The following CD58 variants were observed in gnomAD, a reference collection of about 807,000 sequenced individuals.
CD58 encodes CD58 molecule, also known as lymphocyte function-associated antigen 3.
CD58 carries 14 observed loss-of-function variants against 27.6 expected under a neutral mutation model. That is an observed-to-expected ratio of 0.51 (90% confidence interval 0.34 to 0.79). CD58 has a LOEUF of 0.79. CD58 is among the 30% of genes least tolerant of loss of function. The pLI is 0.02. For missense variants in CD58, 268 were observed against 301.7 expected, an observed-to-expected ratio of 0.89 and a Z score of 0.83; for synonymous variants, 117 against 103.8, an observed-to-expected ratio of 1.13 and a Z score of -0.77.
chr1:116,548,763 T>C (rs898215185), intron 1 of CD58, among the ~76,000 whole-genome samples: 5 of 152,208 alleles, frequency 3.3e-5, no homozygotes, highest in Admixed American at 1.3e-4. Context: ...ACTCTAAAAA[T>C]TATTTAGTCA....
chr1:116,548,288 C>T (rs1243339750), intron 1 of CD58, among the ~76,000 whole-genome samples: 5 of 152,172 alleles, frequency 3.3e-5, no homozygotes, highest in African/African-American at 1.2e-4. Context: ...TATTGCTGTA[C>T]AGAAGCTTTT....
rs1217997929 is a variant in CD58, at chr1:116,531,786, C to T, written c.628+4179G>A. ...TGTTTCATAACTTTAATAGAATATT[C>T]TAACTATTATGTACAAATTGAAAAC... On this transcript the variant is annotated intron_variant, in intron 3 of 5. Coordinates refer to ENST00000369489, the MANE Select transcript of CD58 (RefSeq NM_001779.3). The surrounding 1 kb of genome is among the most constrained non-coding windows in gnomAD (Gnocchi z 4.5). Among the ~76,000 whole-genome samples, 1 of 152,076 alleles carries T rather than the reference C, an allele frequency of 6.6e-6. No homozygotes were observed. Among genetic ancestry groups the T allele is most frequent in the Non-Finnish European group, 1.5e-5 (1 of 68,018 alleles).
chr1:116,552,220 A>G lies in CD58; in HGVS notation c.71-7616T>C, dbSNP rs114860884. 2.1e-3 allele frequency among the ~76,000 whole-genome samples: 325 copies of G among 152,340 alleles called. 3 individuals carry two copies. The highest frequency in any genetic ancestry group is 7.3e-3 in the African/African-American group (305 of 41,576). On this transcript the variant is annotated intron_variant, in intron 1 of 5. Coordinates refer to ENST00000369489, the MANE Select transcript of CD58 (RefSeq NM_001779.3). This position sits in a 1 kb window ranked among gnomAD's most constrained non-coding sequence, Gnocchi z 4.5. ...GGTGACAAGGGAGGCCAGGAGAAGG[A>G]GAAAGATGGGGAGAACAGCCAGTCA...
At chr1:116,562,505 G>A (rs895229749) in intron 1 of CD58, among the ~76,000 whole-genome samples, 1 of 151,998 alleles carries the variant, frequency 6.6e-6, no homozygotes, top group Non-Finnish European at 1.5e-5. Flanking sequence ...TGTAGAGATG[G>A]GGTGTATTAG....
At position 116,521,924 on chromosome 1, in the gene CD58, T is replaced by C. The variant is rs1410014187; in HGVS notation, c.688A>G (p.Ile230Val). 4 of 1,559,904 alleles carry C rather than the reference T, an allele frequency of 2.6e-6. No homozygotes were observed. Among genetic ancestry groups the C allele is most frequent in the Non-Finnish European group, 1.8e-6 (2 of 1,133,170 alleles). ...TACATACCATTCATATACAGCACAATACATGTTGTAATTACTGCTAATGGT... is the reference window on the plus strand; with the variant it reads ...TACATACCATTCATATACAGCACAACACATGTTGTAATTACTGCTAATGGT... The part of the protein sequence containing the change: ...PIPLAVITTC[I>V]VLYMNGILKC... The change falls in exon 4 of 6, where the codon ATT becomes GTT. Residue 230 changes from isoleucine (I) to valine (V), a missense_variant. By Grantham distance (29) the Ile-to-Val change is conservative. Transcript: ENST00000369489. The surrounding 1 kb of genome is among the most constrained non-coding windows in gnomAD (Gnocchi z 5.6).
At chr1:116,518,414 G>A (rs1178642186) in intron 5 of CD58, among the ~76,000 whole-genome samples, 1 of 151,970 alleles carries the variant, frequency 6.6e-6, no homozygotes. Flanking sequence ...TTTGCCAGCA[G>A]AGTGATCTTA....
At position 116,521,727 on chromosome 1, in the gene CD58, A is replaced by G; in HGVS notation, c.706+179T>C. 3.7e-6 allele frequency: 2 copies of G among 540,534 alleles called. No individual in the cohort carries two copies. The highest frequency in any genetic ancestry group is 6.8e-6 in the Non-Finnish European group (2 of 292,344). 33.5% of individuals were successfully genotyped at this position (540,534 alleles called of 1,614,324 possible). ...TAAGGATTCATTCTACCTTGAGATA[A>G]TGTGGATCTTTGGAGGAACCTAGCA... On this transcript the variant is annotated intron_variant, in intron 4 of 5. Transcript: ENST00000369489. This position sits in a 1 kb window ranked among gnomAD's most constrained non-coding sequence, Gnocchi z 5.6.
Position 116,546,513 on chromosome 1 carries a change from A to T in CD58, c.71-1909T>A, listed in dbSNP as rs1658176793. Among the ~76,000 whole-genome samples, 1 of 152,224 alleles carries T rather than the reference A, an allele frequency of 6.6e-6. No homozygotes were observed. The highest frequency in any genetic ancestry group is 6.5e-5 in the Admixed American group (1 of 15,288). ...GGCACAAGAAAAAGTACAGAATTCA[A>T]GGGGTGAGAGTCTACCACACACAAT... On this transcript the variant is annotated intron_variant, in intron 1 of 5. Transcript: ENST00000369489. The surrounding 1 kb of genome is among the most constrained non-coding windows in gnomAD (Gnocchi z 4.1).
In CD58 at chr1:116,570,628, G is replaced by T. The variant is rs1348309984; in HGVS notation, c.70+275C>A. 1.3e-5 allele frequency among the ~76,000 whole-genome samples: 2 copies of T among 152,208 alleles called. No individual in the cohort carries two copies. Among genetic ancestry groups the T allele is most frequent in the African/African-American group, 2.4e-5 (1 of 41,466 alleles). On this transcript the variant is annotated intron_variant, in intron 1 of 5. Transcript: ENST00000369489. The surrounding 1 kb of genome is among the most constrained non-coding windows in gnomAD (Gnocchi z 6.4). ...TGGAGCTCGGGAGGGGGCCGGCGGG[G>T]GGGCGCAGGCCCCGCAGGAGAGGCT...
At chr1:116,558,166 A>G (rs1224087463) in intron 1 of CD58, among the ~76,000 whole-genome samples, 6 of 151,824 alleles carry the variant, frequency 4.0e-5, no homozygotes, top group Non-Finnish European at 7.4e-5. Context: ...AAAAAAAAAA[A>G]AAAGAAAGAA....
chr1:116,558,461 G>A (rs149894366), intron 1 of CD58, among the ~76,000 whole-genome samples: 124 of 151,614 alleles, frequency 8.2e-4, no homozygotes, highest in African/African-American at 2.7e-3. Context: ...TGGCAATCTG[G>A]GAAGCAACAT....
chr1:116,549,686 G>T (rs1658323678), intron 1 of CD58, among the ~76,000 whole-genome samples: 1 of 152,036 alleles, frequency 6.6e-6, no homozygotes, highest in Non-Finnish European at 1.5e-5. Context: ...TCTTATCTGG[G>T]TGCCTTACCC....
chr1:116,533,285 CT>C, intron 3 of CD58: 6 of 1,354,226 alleles, frequency 4.4e-6, no homozygotes, highest in Non-Finnish European at 6.3e-6. Context: ...TACGCTTCTG[CT>C]TTTTCTTGAT....
chr1:116,544,721 A>G (rs551258503), intron 1 of CD58, 117 bp from the exon 2 acceptor site: 1 of 687,404 alleles, frequency 1.5e-6, no homozygotes, highest in South Asian at 2.0e-5. Flanking sequence ...ACAGGAAGTA[A>G]GAACATGTTT....
rs1657086738 is a variant in CD58 at position 116,516,523 on chromosome 1, A to G, written c.744-1701T>C. On this transcript the variant is annotated intron_variant, in intron 5 of 5. Transcript: ENST00000369489. This position sits in a 1 kb window ranked among gnomAD's most constrained non-coding sequence, Gnocchi z 6.1. The stretch of plus-strand genomic sequence containing the variant: ...CTCCATTCTAAGGACCTCCTTGCAA[A>G]TATTCAGTGTCTTTTGCCTCTACTT... 6.6e-6 allele frequency among the ~76,000 whole-genome samples: 1 copy of G among 152,074 alleles called. No individual in the cohort carries two copies. The highest frequency in any genetic ancestry group is 2.4e-5 in the African/African-American group (1 of 41,390).
At chr1:116,554,970 A>C (rs1417763898) in intron 1 of CD58, among the ~76,000 whole-genome samples, 1 of 152,198 alleles carries the variant, frequency 6.6e-6, no homozygotes, top group Admixed American at 6.5e-5. Context: ...CTAATGAACA[A>C]AAGAACAATA....
Position 116,536,757 on chromosome 1 carries a change from T to C in CD58, c.365-529A>G, listed in dbSNP as rs1657823044. On this transcript the variant is annotated intron_variant, in intron 2 of 5. Transcript: ENST00000369489. The surrounding 1 kb of genome is among the most constrained non-coding windows in gnomAD (Gnocchi z 5.4). ...AAATTACCCAGTTTCAGGTAGTTCT[T>C]TATAGCAGTGTGAAAACAGACCAAT... Among the ~76,000 whole-genome samples, 1 of 152,210 alleles carries C rather than the reference T, an allele frequency of 6.6e-6. No homozygotes were observed. The highest frequency in any genetic ancestry group is 6.5e-5 in the Admixed American group (1 of 15,280).
intron 1 of CD58, among the ~76,000 whole-genome samples, chr1:116,566,913 A>C (rs528926133): frequency 6.6e-6 from 1 of 151,860 alleles, no homozygotes; most frequent in Non-Finnish European, 1.5e-5. Context: ...CTGACTTGGG[A>C]GGATTGCTTG....
intron 2 of CD58, among the ~76,000 whole-genome samples, chr1:116,543,695 G>C (rs951452652): frequency 5.3e-5 from 8 of 152,090 alleles, no homozygotes; most frequent in Admixed American, 1.3e-4. Flanking sequence ...GGCTGAGGCG[G>C]GTGGATCACC....
Sources: allele counts gnomAD v4.1 joint callset (sites outside exome capture counted in the v4.1 genomes callset), GRCh38; gene constraint gnomAD v4.1.1; non-coding constraint Gnocchi (gnomAD v3.1); transcripts MANE v1.5; gene names NCBI Gene and HGNC (gene_info 2026-07-23, HGNC 2026-07-21).